The following STXBP4 variants were observed in gnomAD, a reference collection of about 807,000 sequenced individuals.
STXBP4 encodes syntaxin-binding protein 4.
STXBP4 carries 55 observed loss-of-function variants against 76.1 expected under a neutral mutation model. The observed-to-expected ratio is 0.72, with a 90% CI of 0.58 to 0.91. The LOEUF (loss-of-function observed/expected upper bound fraction) is 0.91, where lower values mean the gene tolerates loss of function less well. Among genes scored for constraint, STXBP4 ranks in the 40% least tolerant of loss-of-function variants. The pLI, the probability that STXBP4 is intolerant of heterozygous loss-of-function variation, is 0.00. For missense variants in STXBP4, 618 were observed against 636.9 expected, an observed-to-expected ratio of 0.97 and a Z score of 0.32; for synonymous variants, 201 against 220.2, an observed-to-expected ratio of 0.91 and a Z score of 0.77.
chr17:55,133,181 G>A (rs1431702440), intron 16 of STXBP4, among the ~76,000 whole-genome samples: 1 of 152,062 alleles, frequency 6.6e-6, no homozygotes, highest in African/African-American at 2.4e-5. Flanking sequence ...AAAAGTTGTG[G>A]GAAGTGGTCA....
intron 15 of STXBP4, 49 bp from the exon 16 acceptor site, chr17:55,081,001 A>G (rs2079248069): frequency 7.4e-7 from 1 of 1,346,550 alleles, no homozygotes; most frequent in Non-Finnish European, 9.7e-7. Context: ...GTAAAGATAG[A>G]TGTTGTTTAT....
Position 54,968,789 on chromosome 17 carries a change from T to C in STXBP4, c.-183T>C, listed in dbSNP as rs1233931952. 1.1e-6 allele frequency: 1 copy of C among 936,910 alleles called. No individual in the cohort carries two copies. The highest frequency in any genetic ancestry group is 2.4e-5 in the Admixed American group (1 of 40,990). 58.0% of individuals were successfully genotyped at this position (936,910 alleles called of 1,614,324 possible). On this transcript the variant is annotated 5_prime_UTR_variant, in exon 1 of 18. Coordinates refer to ENST00000376352, the MANE Select transcript of STXBP4 (RefSeq NM_178509.6). ...CAGGTGGCAGCGCTTGCAGTCGGGCTACGGAGGCCGGGTTGCCAGATTACG... is the reference window on the plus strand; with the variant it reads ...CAGGTGGCAGCGCTTGCAGTCGGGCCACGGAGGCCGGGTTGCCAGATTACG...
In STXBP4 at chr17:55,031,210, C is replaced by T. The variant is rs773689328; in HGVS notation, c.709C>T (p.Gln237Ter). The T allele has an allele frequency of 2.5e-6, 4 of 1,613,322 alleles. No homozygotes were observed. The South Asian group carries it at 3.3e-5, about 13-fold the overall frequency. ...LGIQPTKEQH[Q>*]ALRQQVQADS... is the part of the protein sequence containing the mutation. ...TATTCAGCCCACAAAGGAACAACAC[C>T]AAGCCCTGAGACAGCAAGTACAAGC... The change falls in exon 9 of 18, where the codon CAA (glutamine) becomes TAA (stop). Residue 237 changes from glutamine (Q) to a stop codon, truncating the protein, a stop_gained. Transcript: ENST00000376352. LOFTEE classifies it high-confidence loss of function.
At chr17:54,981,932 A>T (rs890107659) in intron 1 of STXBP4, among the ~76,000 whole-genome samples, 3 of 152,104 alleles carry the variant, frequency 2.0e-5, no homozygotes, top group Admixed American at 2.0e-4. Flanking sequence ...GCATAAAAAA[A>T]CTCTTCTGCC....
intron 16 of STXBP4, among the ~76,000 whole-genome samples, chr17:55,093,759 G>A (rs753032891): frequency 5.9e-5 from 9 of 152,066 alleles, no homozygotes; most frequent in South Asian, 2.1e-4. Flanking sequence ...AAAACATATC[G>A]CTTAAGAAAA....
intron 1 of STXBP4, among the ~76,000 whole-genome samples, chr17:54,982,034 G>C (rs1374296873): frequency 6.6e-6 from 1 of 152,126 alleles, no homozygotes; most frequent in Non-Finnish European, 1.5e-5. Flanking sequence ...AAAATTTAGA[G>C]TAACAGGCAC....
chr17:55,006,813 A>G (rs184776295), intron 7 of STXBP4, among the ~76,000 whole-genome samples: 1 of 152,328 alleles, frequency 6.6e-6, no homozygotes, highest in Admixed American at 6.5e-5. Flanking sequence ...TTTCCAGAGT[A>G]CTTCCAGAAT....
chr17:54,986,383 A>G, intron 3 of STXBP4, 117 bp downstream of exon 3: 1 of 665,080 alleles, frequency 1.5e-6, no homozygotes, highest in East Asian at 2.8e-5. Flanking sequence ...GGATAGCAGC[A>G]ATGAGTAGTG....
intron 1 of STXBP4, among the ~76,000 whole-genome samples, chr17:54,972,376 C>G (rs1000880303): frequency 6.6e-6 from 1 of 152,132 alleles, no homozygotes; most frequent in African/African-American, 2.4e-5. Flanking sequence ...CTAATGTTAT[C>G]AGTCCTTCTA....
intron 16 of STXBP4, among the ~76,000 whole-genome samples, chr17:55,138,133 G>A (rs1326357941): frequency 1.3e-5 from 2 of 151,792 alleles, no homozygotes; most frequent in Non-Finnish European, 2.9e-5. Flanking sequence ...TACCTTCATC[G>A]TGTTCCATAT....
At chr17:55,177,095 T>C (rs566554259), downstream of STXBP4, among the ~76,000 whole-genome samples, 3 of 152,254 alleles carry the variant, frequency 2.0e-5, no homozygotes, top group East Asian at 5.8e-4. Flanking sequence ...GCCTCTGTCA[T>C]CACACAAACC....
downstream of STXBP4, among the ~76,000 whole-genome samples, chr17:55,173,884 C>T (rs1173942541): frequency 6.6e-6 from 1 of 152,176 alleles, no homozygotes; most frequent in Non-Finnish European, 1.5e-5. Context: ...CATTTAGGTT[C>T]AGTTCCTTGA....
At chr17:55,019,702 T>G (rs1673050599) in intron 8 of STXBP4, among the ~76,000 whole-genome samples, 1 of 152,142 alleles carries the variant, frequency 6.6e-6, no homozygotes, top group Non-Finnish European at 1.5e-5. Context: ...AATGTTCTTT[T>G]GGTATAGGTT....
At chr17:55,093,658 G>A (rs931804705) in intron 16 of STXBP4, among the ~76,000 whole-genome samples, 1 of 152,162 alleles carries the variant, frequency 6.6e-6, no homozygotes, top group African/African-American at 2.4e-5. Flanking sequence ...TTAATCTTGG[G>A]AGTTTTAAGT....
chr17:55,112,651 T>C (rs1393753760), intron 16 of STXBP4, among the ~76,000 whole-genome samples: 1 of 152,106 alleles, frequency 6.6e-6, no homozygotes, highest in Non-Finnish European at 1.5e-5. Flanking sequence ...CCAGTTGACA[T>C]CTAGAAAGAG....
intron 16 of STXBP4, among the ~76,000 whole-genome samples, chr17:55,105,077 C>T (rs1231637519): frequency 6.6e-6 from 1 of 152,116 alleles, no homozygotes; most frequent in Non-Finnish European, 1.5e-5. Flanking sequence ...AAAACAGCTC[C>T]TGGATTCGTT....
chr17:55,070,010 G>C (rs1351272467), intron 12 of STXBP4, among the ~76,000 whole-genome samples: 1 of 150,926 alleles, frequency 6.6e-6, no homozygotes, highest in Non-Finnish European at 1.5e-5. Context: ...CTATTGTAAT[G>C]ACCACATCAT....
chr17:55,139,921 A>G (rs2080076438), intron 16 of STXBP4, among the ~76,000 whole-genome samples: 2 of 152,178 alleles, frequency 1.3e-5, no homozygotes, highest in South Asian at 2.1e-4. Context: ...CTTGGTTTTC[A>G]TAATTACAAA....
intron 4 of STXBP4, among the ~76,000 whole-genome samples, chr17:54,995,362 A>G (rs1411527495): frequency 6.6e-6 from 1 of 152,164 alleles, no homozygotes; most frequent in Non-Finnish European, 1.5e-5. Flanking sequence ...TGTTGCTGGT[A>G]ACATAGGGAA....
Sources: allele counts gnomAD v4.1 joint callset (sites outside exome capture counted in the v4.1 genomes callset), GRCh38; gene constraint gnomAD v4.1.1; transcripts MANE v1.5; gene names NCBI Gene and HGNC (gene_info 2026-07-23, HGNC 2026-07-21).